Variants in EFHC2 observed in about 807,000 individuals in gnomAD.
EFHC2 encodes EF-hand domain containing 2.
In EFHC2, 18 loss-of-function variants were observed where a neutral mutation model predicts 52.7. That is an observed-to-expected ratio of 0.34 (90% CI 0.24 to 0.51). The LOEUF is 0.51. EFHC2 is among the 20% of genes least tolerant of loss of function. The probability of loss-of-function intolerance (pLI) is 0.97; values close to 1 mark genes in which losing one functional copy is unlikely to be tolerated. For missense variants in EFHC2, 513 were observed against 562.5 expected, an observed-to-expected ratio of 0.91 and a Z score of 0.89; for synonymous variants, 203 against 204.1, an observed-to-expected ratio of 0.99 and a Z score of 0.04.
intron 1 of EFHC2, among the ~76,000 whole-genome samples, chrX:44,337,739 T>C (rs1419111825): frequency 8.9e-6 from 1 of 112,274 alleles, no homozygotes; most frequent in Non-Finnish European, 1.9e-5. Context: ...AGGTGTGTGT[T>C]TAACTTTATA....
chrX:44,287,207 A>G (rs1275287770), intron 2 of EFHC2, among the ~76,000 whole-genome samples: 2 of 110,912 alleles, frequency 1.8e-5, no homozygotes, highest in Non-Finnish European at 3.8e-5. Context: ...AATTTTTTAA[A>G]TAAAAAATGT....
intron 2 of EFHC2, among the ~76,000 whole-genome samples, chrX:44,291,591 GGCTAGAAT>G (rs1259155177): frequency 8.9e-6 from 1 of 112,025 alleles, no homozygotes; most frequent in East Asian, 2.8e-4. Flanking sequence ...AAAGGGAAGT[GGCTAGAAT>G]GCTAGAATGT....
At position 44,180,609 on chromosome X, in the gene EFHC2, C is replaced by T. The variant is rs747035730; in HGVS notation, c.1752-2045G>A. On this transcript the variant is annotated intron_variant, in intron 11 of 14. Coordinates refer to ENST00000420999, the MANE Select transcript of EFHC2 (RefSeq NM_025184.4). ...CAAAAATTAGCTGGGCATGGTGGCA[C>T]ACACCTGTAATCCCAGGTACTCAGG... 4.1e-4 allele frequency among the ~76,000 whole-genome samples: 44 copies of T among 108,374 alleles called. No homozygotes were observed. The East Asian group carries it at 6.3e-3, about 15-fold the overall frequency. 94.1% of individuals were successfully genotyped at this position (108,374 alleles called of 115,157 possible).
chrX:44,268,657 A>G (rs528525061), intron 3 of EFHC2, among the ~76,000 whole-genome samples: 28 of 111,969 alleles, frequency 2.5e-4, no homozygotes, highest in African/African-American at 8.4e-4. Context: ...TCTTTTTGCC[A>G]CAGCAATACT....
chrX:44,226,896 A>AAAAAAG (rs202042485), intron 11 of EFHC2, among the ~76,000 whole-genome samples: 3 of 109,472 alleles, frequency 2.7e-5, no homozygotes, highest in African/African-American at 1.0e-4. Context: ...AGTATAATAA[A>AAAAAAG]AAAAAGAAAA....
chrX:44,303,725 CT>C (rs1459930580), intron 2 of EFHC2, among the ~76,000 whole-genome samples: 2 of 110,211 alleles, frequency 1.8e-5, no homozygotes, highest in African/African-American at 3.3e-5. Flanking sequence ...AGTCACACAG[CT>C]ACATAAATAA....
At chrX:44,192,866 ATAT>A (rs79987794) in intron 11 of EFHC2, among the ~76,000 whole-genome samples, 22,160 of 109,226 alleles carry the variant, frequency 0.2, 1,812 homozygotes, top group Middle Eastern at 0.28. Flanking sequence ...AGACTCTGAT[ATAT>A]TTTGTTGTGA....
intron 3 of EFHC2, among the ~76,000 whole-genome samples, chrX:44,266,090 A>G (rs1013438170): frequency 8.1e-5 from 9 of 111,356 alleles, no homozygotes; most frequent in African/African-American, 2.6e-4. Context: ...ATACTTCCCA[A>G]TTTATTGTCC....
chrX:44,162,598 T>A lies in EFHC2; in HGVS notation c.2148+1324A>T, dbSNP rs147114157. Among the ~76,000 whole-genome samples, 4 of 111,715 alleles carry A rather than the reference T, an allele frequency of 3.6e-5. No individual in the cohort carries two copies. In the East Asian group the frequency reaches 1.1e-3, roughly 32 times the overall value. On this transcript the variant is annotated intron_variant, in intron 14 of 14. Coordinates refer to ENST00000420999, the MANE Select transcript of EFHC2 (RefSeq NM_025184.4). Reference sequence around the variant, plus strand: ...TCACCTCTTCCCCATGTGCCTTCGCTCTGGCCACACCAATTCCTCCTGGTT... The same window carrying A: ...TCACCTCTTCCCCATGTGCCTTCGCACTGGCCACACCAATTCCTCCTGGTT...
chrX:44,235,491 C>A (rs755201305), intron 8 of EFHC2, 44 bp from the exon 9 acceptor site: 1 of 1,104,099 alleles, frequency 9.1e-7, no homozygotes, highest in Admixed American at 2.9e-5. Context: ...TACAGGTAAT[C>A]TTCCACATAT....
chrX:44,309,356 T>G (rs1263265934), intron 2 of EFHC2: 1 of 785,739 alleles, frequency 1.3e-6, no homozygotes, highest in East Asian at 3.2e-5. Context: ...CTTTTGGACT[T>G]GACACCACTC....
At chrX:44,153,048 A>G (rs1469073937) in intron 14 of EFHC2, among the ~76,000 whole-genome samples, 1 of 112,231 alleles carries the variant, frequency 8.9e-6, no homozygotes, top group African/African-American at 3.2e-5. Flanking sequence ...ACAGGTCAGG[A>G]CTAGAAGATT....
At chrX:44,269,723 C>T (rs1447388436) in intron 3 of EFHC2, among the ~76,000 whole-genome samples, 1 of 111,054 alleles carries the variant, frequency 9.0e-6, no homozygotes, top group Non-Finnish European at 1.9e-5. Flanking sequence ...AACTGTGAGC[C>T]ACATAATCCT....
intron 11 of EFHC2, among the ~76,000 whole-genome samples, chrX:44,220,871 G>C (rs2037188540): frequency 9.0e-6 from 1 of 111,282 alleles, no homozygotes; most frequent in Non-Finnish European, 1.9e-5. Context: ...CAACTACCAG[G>C]TAAGAGTCTA....
intron 11 of EFHC2, among the ~76,000 whole-genome samples, chrX:44,198,464 A>C (rs1388048592): frequency 1.8e-5 from 2 of 111,780 alleles, no homozygotes; most frequent in Non-Finnish European, 3.8e-5. Context: ...ACATTCCCTA[A>C]TAATAACGTG....
At chrX:44,232,823 A>G in intron 9 of EFHC2, 146 bp from the exon 10 acceptor site, 1 of 504,628 alleles carries the variant, frequency 2.0e-6, no homozygotes, top group Non-Finnish European at 3.1e-6. Context: ...GACTTAAGGG[A>G]AGAATGAGGC....
chrX:44,250,099 T>A, intron 5 of EFHC2, 95 bp downstream of exon 5: 1 of 1,033,021 alleles, frequency 9.7e-7, no homozygotes, highest in South Asian at 2.5e-5. Flanking sequence ...AGTGCATGGT[T>A]ACTATCATCA....
At chrX:44,310,637 A>G (rs1051862117) in intron 2 of EFHC2, among the ~76,000 whole-genome samples, 6 of 111,993 alleles carry the variant, frequency 5.4e-5, no homozygotes, top group African/African-American at 1.9e-4. Context: ...TGGGGTATTA[A>G]CCAGGATCTA....
chrX:44,251,598 A>T (rs1446912899), intron 4 of EFHC2, among the ~76,000 whole-genome samples: 2 of 24,220 alleles, frequency 8.3e-5, no homozygotes, highest in Non-Finnish European at 1.2e-4. Flanking sequence ...AATACTCTGT[A>T]AAAAAAAAAA....
Sources: gnomAD v4.1 joint callset for allele counts (sites outside exome capture counted in the v4.1 genomes callset) on GRCh38, gnomAD v4.1.1 for gene constraint, MANE v1.5 for transcripts, NCBI Gene and HGNC (gene_info 2026-07-23, HGNC 2026-07-21) for gene names.